The following MCUB variants were observed in gnomAD, a reference collection of about 807,000 sequenced individuals.
The protein encoded by MCUB is calcium uniporter regulatory subunit MCUb, mitochondrial.
MCUB carries 46 observed loss-of-function variants against 41.4 expected under a neutral mutation model. That is an observed-to-expected ratio of 1.11 (90% confidence interval 0.88 to 1.42). The LOEUF (loss-of-function observed/expected upper bound fraction) is 1.42, where lower values mean the gene tolerates loss of function less well. MCUB is among the 40% of genes most tolerant of loss of function. The pLI is 0.00. For missense variants in MCUB, 403 were observed against 404.9 expected (o/e 1.00, Z 0.04); for synonymous variants, 148 against 148.2 (o/e 1.00, Z 0.01).
In MCUB at chr4:109,623,379, C is replaced by T. The variant is rs372707631; in HGVS notation, c.100-35632C>T. 5.9e-5 allele frequency among the ~76,000 whole-genome samples: 9 copies of T among 152,270 alleles called. No homozygotes were observed. The East Asian group carries it at 9.6e-4, about 16-fold the overall frequency. On this transcript the variant is annotated intron_variant, in intron 1 of 7. Coordinates refer to ENST00000394650, the MANE Select transcript of MCUB (RefSeq NM_017918.5). ...TGAATGTGTCGATGATCCTATTATA[C>T]ACAAGTGTTTATGGCAAGTCATAGG...
At chr4:109,571,625 A>T (rs1311381210) in intron 1 of MCUB, among the ~76,000 whole-genome samples, 1 of 152,196 alleles carries the variant, frequency 6.6e-6, no homozygotes, top group Non-Finnish European at 1.5e-5. Flanking sequence ...TGTTAAAGCC[A>T]GTTTTTTCCC....
chr4:109,647,357 C>A (rs1728861583), intron 1 of MCUB, among the ~76,000 whole-genome samples: 1 of 152,212 alleles, frequency 6.6e-6, no homozygotes, highest in Non-Finnish European at 1.5e-5. Flanking sequence ...TTTCCCATAA[C>A]CCCTGGCAGC....
intron 1 of MCUB, among the ~76,000 whole-genome samples, chr4:109,655,908 G>A (rs1729085252): frequency 6.6e-6 from 1 of 152,214 alleles, no homozygotes; most frequent in African/African-American, 2.4e-5. Flanking sequence ...CTCTGTGTAT[G>A]GGGTCTGGGA....
At chr4:109,580,363 A>G (rs984616334) in intron 1 of MCUB, among the ~76,000 whole-genome samples, 1 of 152,206 alleles carries the variant, frequency 6.6e-6, no homozygotes, top group Non-Finnish European at 1.5e-5. Context: ...TCTGTATAGT[A>G]GCATGATTTG....
intron 1 of MCUB, among the ~76,000 whole-genome samples, chr4:109,622,071 G>A (rs1327928864): frequency 1.3e-5 from 2 of 152,010 alleles, no homozygotes; most frequent in Non-Finnish European, 2.9e-5. Flanking sequence ...TAGTAGAGAG[G>A]GAGTTTCACC....
chr4:109,561,677 G>T (rs1726641289), intron 1 of MCUB, among the ~76,000 whole-genome samples: 1 of 152,210 alleles, frequency 6.6e-6, no homozygotes, highest in Non-Finnish European at 1.5e-5. Context: ...TGTAGTCAAA[G>T]AGATACCAAA....
In MCUB at chr4:109,560,369, C is replaced by A. The variant is rs1483971743; in HGVS notation, c.32C>A (p.Thr11Lys). Residue 11 changes from threonine to lysine, a missense_variant, in exon 1 of 8, where the codon ACG becomes AAG. Physicochemically the swap from Thr to Lys is moderately conservative, Grantham distance 78 (BLOSUM62 -1). Transcript: ENST00000394650. ...CAGAGGGGCCTCTGGCCGTGGCGCA[C>A]GCGGCTGCTGCCGACCCCTGGCACC... MLQRGLWPWR[T>K]RLLPTPGTWR... is the part of the protein sequence containing the mutation. 7.5e-7 allele frequency: 1 copy of A among 1,324,652 alleles called. No homozygotes were observed. Among genetic ancestry groups the A allele is most frequent in the East Asian group, 3.1e-5 (1 of 32,020 alleles). 82.1% of individuals were successfully genotyped at this position (1,324,652 alleles called of 1,614,324 possible). A position where few individuals can be genotyped will look rare whatever the true frequency, so the allele number is the denominator to read the frequency against.
At chr4:109,648,032 G>T (rs1211298361) in intron 1 of MCUB, among the ~76,000 whole-genome samples, 2 of 152,126 alleles carry the variant, frequency 1.3e-5, no homozygotes, top group African/African-American at 4.8e-5. Flanking sequence ...TTAAGAAACT[G>T]CATTCACATA....
In MCUB at chr4:109,682,746, A is replaced by G; in HGVS notation, c.612+4A>G. The G allele has an allele frequency of 6.2e-7, 1 of 1,607,088 alleles. No homozygotes were observed. Among genetic ancestry groups the G allele is most frequent in the Non-Finnish European group, 8.5e-7 (1 of 1,176,700 alleles). On this transcript the variant is annotated splice_donor_region_variant and intron_variant, in intron 5 of 7. Transcript: ENST00000394650. ...ACAGCTGCAGCCCCTTGAACAGGTT[A>G]GGAAGCATCACGGTTGAGTATATTT...
chr4:109,576,718 C>CA (rs1228998738), intron 1 of MCUB, among the ~76,000 whole-genome samples: 2 of 152,136 alleles, frequency 1.3e-5, no homozygotes, highest in Non-Finnish European at 2.9e-5. Flanking sequence ...GGATGATTCA[C>CA]AGAGATGTGG....
At chr4:109,661,328 A>G (rs1011627882) in intron 3 of MCUB, among the ~76,000 whole-genome samples, 21 of 152,316 alleles carry the variant, frequency 1.4e-4, no homozygotes, top group African/African-American at 5.1e-4. Context: ...ATGATATTAA[A>G]TACTTAGAAT....
In MCUB at chr4:109,681,799, C is replaced by T. The variant is rs557698128; in HGVS notation, c.452-783C>T. Among the ~76,000 whole-genome samples the T allele has an allele frequency of 9.2e-5, 14 of 152,316 alleles. No homozygotes were observed. The South Asian group carries it at 2.5e-3, about 27-fold the overall frequency. On this transcript the variant is annotated intron_variant, in intron 4 of 7. Coordinates refer to ENST00000394650, the MANE Select transcript of MCUB (RefSeq NM_017918.5). The stretch of plus-strand genomic sequence containing the variant: ...TAAGTCAGCAGCGAGTCTGCTACGG[C>T]GGCAAAACAGCAGTGGTGGACAGTG...
intron 4 of MCUB, chr4:109,673,897 A>G: frequency 1.3e-6 from 1 of 775,876 alleles, no homozygotes; most frequent in Non-Finnish European, 2.4e-6. Context: ...TCAGGGATCC[A>G]AACTTATTCG....
intron 1 of MCUB, among the ~76,000 whole-genome samples, chr4:109,601,878 C>T (rs1178001923): frequency 6.6e-6 from 1 of 152,206 alleles, no homozygotes; most frequent in Non-Finnish European, 1.5e-5. Flanking sequence ...CTCCCTCTCT[C>T]CACATCTTCA....
intron 7 of MCUB, 48 bp from the exon 8 acceptor site, chr4:109,687,466 TA>T (rs1729873677): frequency 8.0e-7 from 1 of 1,257,470 alleles, no homozygotes; most frequent in African/African-American, 1.5e-5. Context: ...GTAATGTTGG[TA>T]TGTTTCTCTT....
chr4:109,591,346 T>C (rs1727433522), intron 1 of MCUB, among the ~76,000 whole-genome samples: 1 of 152,028 alleles, frequency 6.6e-6, no homozygotes, highest in South Asian at 2.1e-4. Context: ...CTACCACGCC[T>C]GGCTAATTTT....
chr4:109,582,374 T>G (rs1727199950), intron 1 of MCUB, among the ~76,000 whole-genome samples: 1 of 96,542 alleles, frequency 1.0e-5, no homozygotes, highest in African/African-American at 4.2e-5. Context: ...CTGGGGCCTG[T>G]TGTGGGGTGG....
Position 109,614,883 on chromosome 4 carries a change from C to T in MCUB, c.100-44128C>T, listed in dbSNP as rs560287840. Among the ~76,000 whole-genome samples the T allele has an allele frequency of 1.8e-4, 28 of 152,178 alleles. No individual in the cohort carries two copies. In the South Asian group the frequency reaches 5.4e-3, roughly 29 times the overall value. On this transcript the variant is annotated intron_variant, in intron 1 of 7. Coordinates refer to ENST00000394650, the MANE Select transcript of MCUB (RefSeq NM_017918.5). The stretch of plus-strand genomic sequence containing the variant: ...GTCACTCATACGCATTCATAGTAGT[C>T]GCTTCTCTGGATGAACCCAACTGAT...
In MCUB at chr4:109,575,743, A is replaced by G. The variant is rs113346390; in HGVS notation, c.99+15307A>G. On this transcript the variant is annotated intron_variant, in intron 1 of 7. Coordinates refer to ENST00000394650, the MANE Select transcript of MCUB (RefSeq NM_017918.5). The stretch of plus-strand genomic sequence containing the variant: ...GATGAAATATCTTTATAGTTATCCC[A>G]TTTATGTAAGGCTATTAGACATTAG... Among the ~76,000 whole-genome samples, 447 of 152,362 alleles carry G rather than the reference A, an allele frequency of 2.9e-3. 3 individuals carry two copies. The highest frequency in any genetic ancestry group is 0.01 in the African/African-American group (433 of 41,590).
Sources: gnomAD v4.1 joint callset for allele counts (sites outside exome capture counted in the v4.1 genomes callset) on GRCh38, gnomAD v4.1.1 for gene constraint, MANE v1.5 for transcripts, NCBI Gene and HGNC (gene_info 2026-07-23, HGNC 2026-07-21) for gene names.